Variants in GPM6B observed in about 807,000 individuals in gnomAD.
GPM6B encodes glycoprotein M6B.
A neutral mutation model predicts 27.2 loss-of-function variants in GPM6B; 4 were observed. The ratio of observed to expected loss-of-function variants is 0.15; its 90% CI spans 0.07 to 0.34. The LOEUF (loss-of-function observed/expected upper bound fraction) is 0.34. GPM6B is among the 10% of genes least tolerant of loss of function. The pLI, the probability that GPM6B is intolerant of heterozygous loss-of-function variation, is 1.00. For synonymous variants in GPM6B, 124 were observed against 103.1 expected (o/e 1.20, Z -1.23); for missense variants, 183 against 261.9 (o/e 0.70, Z 2.08).
At chrX:13,781,819 G>T (rs1288796028) in intron 4 of GPM6B, among the ~76,000 whole-genome samples, 1 of 111,756 alleles carries the variant, frequency 8.9e-6, no homozygotes, top group Non-Finnish European at 1.9e-5. Context: ...ATGTTGTCCG[G>T]ACCTCCTGAG....
chrX:13,843,062 A>G (rs2049599593), intron 1 of GPM6B, among the ~76,000 whole-genome samples: 1 of 111,313 alleles, frequency 9.0e-6, no homozygotes, highest in Non-Finnish European at 1.9e-5. Flanking sequence ...TCCCTACTAA[A>G]AGATCCCATT....
intron 1 of GPM6B, among the ~76,000 whole-genome samples, chrX:13,837,130 C>G (rs1375733869): frequency 1.8e-5 from 2 of 112,151 alleles, no homozygotes; most frequent in African/African-American, 3.2e-5. Flanking sequence ...AAGCTGAAGA[C>G]TTGACAAAAA....
chrX:13,833,602 G>A (rs2049464745), intron 1 of GPM6B, among the ~76,000 whole-genome samples: 2 of 107,748 alleles, frequency 1.9e-5, no homozygotes, highest in South Asian at 8.5e-4. Context: ...TTGGTGGCAT[G>A]CACCTGTAGT....
At chrX:13,877,531 T>TA (rs1208970534) in intron 1 of GPM6B, among the ~76,000 whole-genome samples, 1 of 109,939 alleles carries the variant, frequency 9.1e-6, no homozygotes, top group Non-Finnish European at 1.9e-5. Flanking sequence ...TCTAATATTT[T>TA]AAAAAAATGA....
intron 1 of GPM6B, among the ~76,000 whole-genome samples, chrX:13,865,122 G>A (rs2049894679): frequency 9.0e-6 from 1 of 111,346 alleles, no homozygotes; most frequent in African/African-American, 3.3e-5. Flanking sequence ...AATAAAGGGG[G>A]ACTACTGTAT....
chrX:13,861,176 T>TAC (rs1357946166), intron 1 of GPM6B, among the ~76,000 whole-genome samples: 62 of 110,166 alleles, frequency 5.6e-4, no homozygotes, highest in Non-Finnish European at 1.1e-3. Flanking sequence ...CATATATATA[T>TAC]ACACACACAC....
chrX:13,793,733 C>CCAATTTTAT (rs1188757205), intron 2 of GPM6B, among the ~76,000 whole-genome samples: 1 of 111,871 alleles, frequency 8.9e-6, no homozygotes, highest in Non-Finnish European at 1.9e-5. Context: ...TCACCCCAGA[C>CCAATTTTAT]CAATTTTATC....
intron 3 of GPM6B, among the ~76,000 whole-genome samples, chrX:13,785,140 A>G (rs1320500124): frequency 9.0e-6 from 1 of 111,565 alleles, no homozygotes; most frequent in East Asian, 2.8e-4. Flanking sequence ...CAGCTACCAT[A>G]TTCTAGGCCC....
rs747750731 is a variant in GPM6B at position 13,813,195 on chromosome X, A to G, written c.61+3649T>C. Among the ~76,000 whole-genome samples the G allele has an allele frequency of 9.9e-5, 11 of 111,557 alleles. No individual in the cohort carries two copies. In the East Asian group the frequency reaches 2.2e-3, roughly 23 times the overall value. On this transcript the variant is annotated intron_variant, in intron 1 of 7. Coordinates refer to ENST00000316715, the MANE Select transcript of GPM6B (RefSeq NM_001001995.3). ...TGTGTCCCTTTGGGTTTTTAATCACACAAGTCGTATATTCTAGAGGAGTGC... is the reference window on the plus strand; with the variant it reads ...TGTGTCCCTTTGGGTTTTTAATCACGCAAGTCGTATATTCTAGAGGAGTGC...
chrX:13,921,742 C>T (rs1920979489), intron 1 of GPM6B, among the ~76,000 whole-genome samples: 1 of 111,265 alleles, frequency 9.0e-6, no homozygotes, highest in Non-Finnish European at 1.9e-5. Context: ...CCATGCCCAG[C>T]TAGTTTTTGT....
At chrX:13,884,893 A>G (rs982752902) in intron 1 of GPM6B, among the ~76,000 whole-genome samples, 5 of 112,270 alleles carry the variant, frequency 4.5e-5, no homozygotes, top group Non-Finnish European at 9.4e-5. Flanking sequence ...TATTGAGAGA[A>G]GGTCCTATGT....
chrX:13,826,178 C>T (rs1300132626), intron 1 of GPM6B, among the ~76,000 whole-genome samples: 1 of 110,596 alleles, frequency 9.0e-6, no homozygotes, highest in Non-Finnish European at 1.9e-5. Context: ...GATCTTGGGT[C>T]TTAGTGAGGT....
intron 1 of GPM6B, among the ~76,000 whole-genome samples, chrX:13,910,467 T>C (rs2050369233): frequency 8.8e-6 from 1 of 113,214 alleles, no homozygotes; most frequent in Non-Finnish European, 1.9e-5. Flanking sequence ...CGGTGGACTC[T>C]GAGTACTGTA....
At position 13,902,505 on chromosome X, in the gene GPM6B, T is replaced by C. The variant is rs192248064; in HGVS notation, c.-198+35822A>G. ...ATTACTCTATTGCCAACGAAGTCAC[T>C]TAAGCACACAGAGTTTAAGTGGTTT... On this transcript the variant is annotated intron_variant, in intron 1 of 6. Transcript: ENST00000398361. Among the ~76,000 whole-genome samples the C allele has an allele frequency of 4.5e-5, 5 of 111,123 alleles. No homozygotes were observed. The East Asian group carries it at 1.4e-3, about 31-fold the overall frequency.
At chrX:13,789,174 T>G (rs1460361698) in intron 2 of GPM6B, among the ~76,000 whole-genome samples, 1 of 112,007 alleles carries the variant, frequency 8.9e-6, no homozygotes, top group Non-Finnish European at 1.9e-5. Context: ...GTTGACCAGT[T>G]ATCTTCAGGG....
intron 1 of GPM6B, among the ~76,000 whole-genome samples, chrX:13,926,847 G>A (rs1921239353): frequency 9.0e-6 from 1 of 111,692 alleles, no homozygotes; most frequent in South Asian, 3.7e-4. Context: ...TCATGACTTT[G>A]GGGATAGAAA....
intron 1 of GPM6B, among the ~76,000 whole-genome samples, chrX:13,859,942 C>A (rs2049824085): frequency 8.9e-6 from 1 of 111,964 alleles, no homozygotes; most frequent in South Asian, 3.7e-4. Flanking sequence ...GTATGCCTGT[C>A]AGTTGCATCA....
At chrX:13,793,305 G>C (rs1364106870) in intron 2 of GPM6B, among the ~76,000 whole-genome samples, 1 of 110,840 alleles carries the variant, frequency 9.0e-6, no homozygotes, top group Non-Finnish European at 1.9e-5. Flanking sequence ...CCTTTGAGTT[G>C]TCCTGCCTTT....
At chrX:13,832,396 G>A (rs368316559) in intron 1 of GPM6B, among the ~76,000 whole-genome samples, 1 of 112,173 alleles carries the variant, frequency 8.9e-6, no homozygotes, top group Non-Finnish European at 1.9e-5. Context: ...TGAAGTATCC[G>A]AAATTTACTT....
Sources: gnomAD v4.1 joint callset for allele counts (sites outside exome capture counted in the v4.1 genomes callset) on GRCh38, gnomAD v4.1.1 for gene constraint, MANE v1.5 for transcripts, NCBI Gene and HGNC (gene_info 2026-07-23, HGNC 2026-07-21) for gene names.